The following PTPRQ variants were observed in gnomAD, a reference collection of about 807,000 sequenced individuals.
The protein encoded by PTPRQ is protein tyrosine phosphatase receptor type Q.
A neutral mutation model predicts 246.0 loss-of-function variants in PTPRQ; 199 were observed. The observed-to-expected ratio is 0.81, with a 90% CI of 0.72 to 0.91. PTPRQ has a LOEUF of 0.91. Among genes scored for constraint, PTPRQ ranks in the 40% least tolerant of loss-of-function variants. The pLI, the probability that PTPRQ is intolerant of heterozygous loss-of-function variation, is 0.00. For missense variants in PTPRQ, 2,624 were observed against 2,528.4 expected, an observed-to-expected ratio of 1.04 and a Z score of -0.81; for synonymous variants, 869 against 853.2, an observed-to-expected ratio of 1.02 and a Z score of -0.32.
chr12:80,538,520 A>G (rs1375344869), intron 19 of PTPRQ, among the ~76,000 whole-genome samples: 1 of 152,178 alleles, frequency 6.6e-6, no homozygotes, highest in Non-Finnish European at 1.5e-5. Context: ...GATGTATTGG[A>G]AGGTATTAAA....
intron 6 of PTPRQ, among the ~76,000 whole-genome samples, chr12:80,467,513 A>AC (rs1286015796): frequency 1.3e-5 from 2 of 152,206 alleles, no homozygotes; most frequent in Non-Finnish European, 2.9e-5. Context: ...CTGGGTATAT[A>AC]CCCAAAGGAC....
At chr12:80,530,099 A>G (rs963975797) in intron 17 of PTPRQ, among the ~76,000 whole-genome samples, 4 of 151,684 alleles carry the variant, frequency 2.6e-5, no homozygotes, top group African/African-American at 9.7e-5. Flanking sequence ...TTCTTCTCCC[A>G]CCTCCCTCAA....
chr12:80,468,874 G>T, intron 7 of PTPRQ, 36 bp downstream of exon 7: 1 of 1,534,146 alleles, frequency 6.5e-7, no homozygotes, highest in South Asian at 1.3e-5. Context: ...GCCTTTTGGA[G>T]TGAGAATAAT....
At chr12:80,581,385 T>C (rs12310749) in intron 25 of PTPRQ, among the ~76,000 whole-genome samples, 3,166 of 152,262 alleles carry the variant, frequency 0.021, 133 homozygotes, top group African/African-American at 0.072. Context: ...CTTGTGATCC[T>C]AGCACTTTGG....
Position 80,616,212 on chromosome 12 carries a change from A to C in PTPRQ, c.5176A>C (p.Asn1726His). The C allele has an allele frequency of 1.3e-6, 2 of 1,488,426 alleles. No homozygotes were observed. 92.2% of individuals were successfully genotyped at this position (1,488,426 alleles called of 1,614,324 possible). The change falls in exon 30 of 45, where the codon AAT becomes CAT. Residue 1726 changes from asparagine (N) to histidine (H), a missense_variant. Coordinates refer to ENST00000644991, the MANE Select transcript of PTPRQ (RefSeq NM_001145026.2). ...HTYNISVYAV[N>H]SAGAGPKVPM... ...TTGTTTGTTTTAGGTTTACGCAGTC[A>C]ATAGTGCTGGTGCAGGTCCAAAGGT...
intron 35 of PTPRQ, 138 bp downstream of exon 35, chr12:80,635,211 C>A (rs1032796656): frequency 2.3e-6 from 3 of 1,306,118 alleles, no homozygotes; most frequent in Non-Finnish European, 3.0e-6. Flanking sequence ...GAGTGACCTC[C>A]GTCTTCTACA....
chr12:80,447,141 T>A (rs1333092906), intron 3 of PTPRQ, among the ~76,000 whole-genome samples: 1 of 152,138 alleles, frequency 6.6e-6, no homozygotes, highest in African/African-American at 2.4e-5. Context: ...TTAATTTACA[T>A]TTCTTTGATA....
intron 17 of PTPRQ, among the ~76,000 whole-genome samples, chr12:80,514,745 G>A (rs1895239561): frequency 2.1e-5 from 3 of 143,802 alleles, no homozygotes; most frequent in East Asian, 2.0e-4. Flanking sequence ...TATTACATTA[G>A]GTATTATATA....
At chr12:80,673,139 T>G (rs536146459) in intron 42 of PTPRQ, 30 bp from the exon 43 acceptor site, 1 of 1,548,148 alleles carries the variant, frequency 6.5e-7, no homozygotes, top group African/African-American at 1.4e-5. Context: ...CTTTGCTGAA[T>G]AATTTTCATG....
chr12:80,471,811 G>T (rs980305876), intron 7 of PTPRQ, among the ~76,000 whole-genome samples: 35 of 151,928 alleles, frequency 2.3e-4, no homozygotes, highest in Non-Finnish European at 4.7e-4. Context: ...AAAATTTGAT[G>T]CTTCCCTTTT....
intron 17 of PTPRQ, among the ~76,000 whole-genome samples, chr12:80,525,445 T>C (rs1375680847): frequency 6.6e-6 from 1 of 152,058 alleles, no homozygotes; most frequent in Non-Finnish European, 1.5e-5. Context: ...TGGCACAGGA[T>C]AAAAGTGGGA....
intron 27 of PTPRQ, among the ~76,000 whole-genome samples, chr12:80,608,384 A>G (rs1345870100): frequency 6.6e-6 from 1 of 150,604 alleles, no homozygotes; most frequent in African/African-American, 2.4e-5. Flanking sequence ...TAGGTTTAAT[A>G]AAGAAAGGTA....
chr12:80,576,513 T>C (rs1592675802), intron 25 of PTPRQ, among the ~76,000 whole-genome samples: 1 of 152,314 alleles, frequency 6.6e-6, no homozygotes, highest in East Asian at 1.9e-4. Context: ...TGGTGGAACT[T>C]GTATTTTTGA....
chr12:80,618,467 A>G (rs1715317067), intron 30 of PTPRQ, among the ~76,000 whole-genome samples: 1 of 151,238 alleles, frequency 6.6e-6, no homozygotes, highest in Admixed American at 6.6e-5. Context: ...AGATATTTGT[A>G]TGCATTGATG....
At chr12:80,655,338 C>A (rs1900396982) in intron 38 of PTPRQ, among the ~76,000 whole-genome samples, 1 of 152,164 alleles carries the variant, frequency 6.6e-6, no homozygotes, top group Non-Finnish European at 1.5e-5. Flanking sequence ...ATGTAAATCG[C>A]TTTGCCCAGT....
intron 39 of PTPRQ, among the ~76,000 whole-genome samples, chr12:80,662,061 T>C (rs1592771354): frequency 6.6e-6 from 1 of 151,934 alleles, no homozygotes; most frequent in South Asian, 2.1e-4. Context: ...TGCCTTCTTC[T>C]ATACAAATTT....
chr12:80,675,019 A>C (rs528529388), intron 43 of PTPRQ, among the ~76,000 whole-genome samples: 1 of 152,118 alleles, frequency 6.6e-6, no homozygotes, highest in African/African-American at 2.4e-5. Context: ...AACTACTTCA[A>C]TTCTGTGATA....
intron 39 of PTPRQ, among the ~76,000 whole-genome samples, chr12:80,665,374 C>G (rs542554248): frequency 6.6e-6 from 1 of 151,976 alleles, no homozygotes; most frequent in Admixed American, 6.6e-5. Context: ...ATTTTCATGA[C>G]TTTAAGTAAG....
At chr12:80,573,211 C>T (rs182594605) in intron 25 of PTPRQ, among the ~76,000 whole-genome samples, 20 of 152,204 alleles carry the variant, frequency 1.3e-4, no homozygotes, top group Admixed American at 1.2e-3. Context: ...ACTTTAGGGC[C>T]GGGCGCGGTG....
Sources: gnomAD v4.1 joint callset for allele counts (sites outside exome capture counted in the v4.1 genomes callset) on GRCh38, gnomAD v4.1.1 for gene constraint, MANE v1.5 for transcripts, NCBI Gene and HGNC (gene_info 2026-07-23, HGNC 2026-07-21) for gene names.